The following ARHGEF38 variants were observed in gnomAD, a reference collection of about 807,000 sequenced individuals.
ARHGEF38 encodes Rho guanine nucleotide exchange factor (GEF) 38.
A neutral mutation model predicts 79.9 loss-of-function variants in ARHGEF38; 79 were observed. The ratio of observed to expected loss-of-function variants is 0.99; its 90% CI spans 0.82 to 1.19. The LOEUF is 1.19. Among genes scored for constraint, ARHGEF38 ranks in the 50% most tolerant of loss-of-function variants. ARHGEF38 has a pLI of 0.00. For missense variants in ARHGEF38, 962 were observed against 907.2 expected (o/e 1.06, Z -0.78); for synonymous variants, 366 against 328.3 (o/e 1.11, Z -1.24).
intron 10 of ARHGEF38, among the ~76,000 whole-genome samples, chr4:105,663,970 CA>C (rs58428081): frequency 0.2 from 21,146 of 107,530 alleles, 1,637 homozygotes; most frequent in Middle Eastern, 0.29. Context: ...AACTCCGTCT[CA>C]AAAAAAAAAA....
chr4:105,644,649 T>C (rs1328796222), intron 5 of ARHGEF38, among the ~76,000 whole-genome samples: 9 of 152,218 alleles, frequency 5.9e-5, no homozygotes, highest in Non-Finnish European at 8.8e-5. Context: ...TAAAGAATTA[T>C]CACATTTATC....
At chr4:105,642,315 T>C (rs1729652699) in intron 5 of ARHGEF38, among the ~76,000 whole-genome samples, 1 of 152,214 alleles carries the variant, frequency 6.6e-6, no homozygotes. Context: ...CAAAAGTGTC[T>C]GGGAGATTTC....
intron 9 of ARHGEF38, among the ~76,000 whole-genome samples, chr4:105,658,412 T>C (rs762961867): frequency 1.3e-5 from 2 of 152,062 alleles, no homozygotes; most frequent in Non-Finnish European, 2.9e-5. Flanking sequence ...AATTAATTAA[T>C]TAATTAAAAA....
chr4:105,646,813 C>A (rs1008174848), intron 6 of ARHGEF38, among the ~76,000 whole-genome samples: 1 of 147,940 alleles, frequency 6.8e-6, no homozygotes, highest in East Asian at 1.9e-4. Flanking sequence ...GGGTTAATCT[C>A]AAAAACACAA....
intron 2 of ARHGEF38, among the ~76,000 whole-genome samples, chr4:105,593,188 G>T (rs148496199): frequency 5.9e-5 from 9 of 151,926 alleles, no homozygotes; most frequent in African/African-American, 2.2e-4. Context: ...TTCAAAATAA[G>T]CACAATTTAT....
chr4:105,571,345 C>T (rs1201557348), intron 1 of ARHGEF38, among the ~76,000 whole-genome samples: 9 of 116,600 alleles, frequency 7.7e-5, no homozygotes, highest in East Asian at 7.5e-4. Flanking sequence ...TTTTTTGAGA[C>T]GGAGTCTCAC....
intron 3 of ARHGEF38, among the ~76,000 whole-genome samples, chr4:105,614,788 G>A (rs1728445579): frequency 1.3e-5 from 2 of 152,150 alleles, no homozygotes; most frequent in East Asian, 1.9e-4. Flanking sequence ...TTATGAAGTA[G>A]CAGCATATTC....
At chr4:105,578,056 G>A (rs962130154) in intron 1 of ARHGEF38, among the ~76,000 whole-genome samples, 1 of 151,978 alleles carries the variant, frequency 6.6e-6, no homozygotes, top group African/African-American at 2.4e-5. Flanking sequence ...TAATGTGGTC[G>A]TTTAGCACTA....
intron 13 of ARHGEF38, among the ~76,000 whole-genome samples, chr4:105,669,527 T>G (rs1194490297): frequency 2.0e-5 from 3 of 152,188 alleles, no homozygotes; most frequent in African/African-American, 7.2e-5. Flanking sequence ...TTCTATTCAG[T>G]TTCTTTCATT....
intron 1 of ARHGEF38, among the ~76,000 whole-genome samples, chr4:105,583,655 T>C (rs1391554992): frequency 6.6e-6 from 1 of 152,220 alleles, no homozygotes; most frequent in Non-Finnish European, 1.5e-5. Context: ...AAATAACTTG[T>C]TTAAATTATT....
chr4:105,630,737 GAA>G (rs200632206), intron 3 of ARHGEF38, among the ~76,000 whole-genome samples, 159 bp from the exon 4 acceptor site: 1 of 151,132 alleles, frequency 6.6e-6, no homozygotes, highest in African/African-American at 2.4e-5. Context: ...GAAAGAAAAG[GAA>G]AAAAAAATCA....
chr4:105,576,956 G>C (rs1035820539), intron 1 of ARHGEF38, among the ~76,000 whole-genome samples: 3 of 152,064 alleles, frequency 2.0e-5, no homozygotes, highest in Admixed American at 6.6e-5. Flanking sequence ...GGCAACCTGG[G>C]TATGAAACAC....
At chr4:105,623,272 A>C (rs1052849567) in intron 3 of ARHGEF38, among the ~76,000 whole-genome samples, 2 of 152,200 alleles carry the variant, frequency 1.3e-5, no homozygotes, top group Admixed American at 1.3e-4. Context: ...AGGGTCCAGG[A>C]GGTGATTGTT....
intron 13 of ARHGEF38, among the ~76,000 whole-genome samples, chr4:105,669,263 C>T (rs964290473): frequency 2.0e-5 from 3 of 150,158 alleles, no homozygotes; most frequent in Non-Finnish European, 4.5e-5. Flanking sequence ...TATCTTATTC[C>T]TTAAAAAGCT....
chr4:105,649,365 C>T (rs1461670608), intron 7 of ARHGEF38, among the ~76,000 whole-genome samples: 1 of 152,154 alleles, frequency 6.6e-6, no homozygotes, highest in Admixed American at 6.5e-5. Context: ...AAGACAGATT[C>T]TAGGGTTCCA....
rs558049245 is a variant in ARHGEF38, at chr4:105,652,017, G to C, written c.1009-2048G>C. On this transcript the variant is annotated intron_variant, in intron 7 of 13. Transcript: ENST00000420470. ...GCCAAGACTCAGACATGAAAACAAG[G>C]CTTCATCCACATCCTATTTGCACAA... is the stretch of plus-strand genomic sequence containing the variant. 9.2e-5 allele frequency among the ~76,000 whole-genome samples: 14 copies of C among 152,306 alleles called. No individual in the cohort carries two copies. The South Asian group carries it at 2.7e-3, about 29-fold the overall frequency.
intron 1 of ARHGEF38, among the ~76,000 whole-genome samples, chr4:105,555,526 A>C (rs1725213777): frequency 6.6e-6 from 1 of 152,116 alleles, no homozygotes; most frequent in Admixed American, 6.6e-5. Flanking sequence ...AAATGCCGAG[A>C]GATTTTCCTC....
intron 3 of ARHGEF38, among the ~76,000 whole-genome samples, chr4:105,625,362 G>A (rs1675617836): frequency 6.6e-6 from 1 of 152,158 alleles, no homozygotes; most frequent in Admixed American, 6.5e-5. Context: ...AAGTTCAGCT[G>A]GGAGAAACAG....
intron 1 of ARHGEF38, among the ~76,000 whole-genome samples, chr4:105,575,298 T>C (rs945062524): frequency 6.6e-6 from 1 of 152,132 alleles, no homozygotes; most frequent in Non-Finnish European, 1.5e-5. Context: ...TCTCCTTTCA[T>C]TACATCTACA....
Sources: gnomAD v4.1 joint callset for allele counts (sites outside exome capture counted in the v4.1 genomes callset) on GRCh38, gnomAD v4.1.1 for gene constraint, MANE v1.5 for transcripts, NCBI Gene and HGNC (gene_info 2026-07-23, HGNC 2026-07-21) for gene names.